The following LITAF variants were observed in gnomAD, a reference collection of about 807,000 sequenced individuals.
The protein encoded by LITAF is lipopolysaccharide-induced tumor necrosis factor-alpha factor.
LITAF carries 9 observed loss-of-function variants against 14.5 expected under a neutral mutation model. The observed-to-expected ratio is 0.62, with a 90% CI of 0.37 to 1.08. The LOEUF is 1.08. Among genes scored for constraint, LITAF ranks in the 50% least tolerant of loss-of-function variants. The pLI is 0.01. For missense variants in LITAF, 206 were observed against 213.4 expected, an observed-to-expected ratio of 0.97 and a Z score of 0.22; for synonymous variants, 98 against 88.2, an observed-to-expected ratio of 1.11 and a Z score of -0.62.
chr16:11,560,169 C>T (rs1286620657), intron 1 of LITAF, among the ~76,000 whole-genome samples: 3 of 150,916 alleles, frequency 2.0e-5, no homozygotes, highest in African/African-American at 4.9e-5. Context: ...TGATATTGGG[C>T]GCCTGTAATC....
chr16:11,587,289 C>A (rs1221683492), upstream of LITAF: 2 of 432,550 alleles, frequency 4.6e-6, no homozygotes, highest in East Asian at 7.1e-5. Context: ...TCCCCACTTT[C>A]CCCCCTCCCC....
At chr16:11,566,765 G>A (rs767542029) in intron 1 of LITAF, among the ~76,000 whole-genome samples, 3 of 151,348 alleles carry the variant, frequency 2.0e-5, no homozygotes, top group Non-Finnish European at 2.9e-5. Flanking sequence ...GTAGGGGGGC[G>A]CATGGACAGA....
rs1567233486 is a variant in LITAF at position 11,549,824 on chromosome 16, T to C, written c.378-79A>G. 1.8e-6 allele frequency: 2 copies of C among 1,106,366 alleles called. No individual in the cohort carries two copies. The highest frequency in any genetic ancestry group is 1.6e-5 in the African/African-American group (1 of 64,462). 68.5% of individuals were successfully genotyped at this position (1,106,366 alleles called of 1,614,324 possible). A position where few individuals can be genotyped will look rare whatever the true frequency, so the allele number is the denominator to read the frequency against. ...ACTGGCTGCCAAAACCATGTTCATG[T>C]CCTTCTTTGTAAAAAGGGTCTTTGC... On this transcript the variant is annotated intron_variant, in intron 3 of 3. Coordinates refer to ENST00000622633, the MANE Select transcript of LITAF (RefSeq NM_001136472.2). This position sits in a 1 kb window ranked among gnomAD's most constrained non-coding sequence, Gnocchi z 4.6.
chr16:11,610,963 AC>A (rs1391739244), intron 3 of LITAF, among the ~76,000 whole-genome samples: 2 of 151,952 alleles, frequency 1.3e-5, no homozygotes, highest in Non-Finnish European at 2.9e-5. Flanking sequence ...TCCCCCAGCT[AC>A]CGAAATCTAA....
At chr16:11,625,430 T>G (rs2065077902) in intron 3 of LITAF, among the ~76,000 whole-genome samples, 3 of 151,966 alleles carry the variant, frequency 2.0e-5, no homozygotes, top group Non-Finnish European at 4.4e-5. Context: ...GCCAGGCTCA[T>G]TTACGCATTT....
intron 3 of LITAF, chr16:11,551,741 C>A (rs1053595267): frequency 4.4e-6 from 3 of 682,824 alleles, no homozygotes; most frequent in African/African-American, 3.6e-5. Context: ...CTGAGCTGGG[C>A]GGATTGCAGG....
intron 1 of LITAF, among the ~76,000 whole-genome samples, chr16:11,563,259 G>T (rs994177337): frequency 2.6e-5 from 4 of 151,948 alleles, no homozygotes; most frequent in Non-Finnish European, 5.9e-5. Context: ...AGCAATTCTC[G>T]TGCCTCAGCC....
At chr16:11,639,274 TA>T (rs370375741), upstream of LITAF, among the ~76,000 whole-genome samples, 363 of 151,292 alleles carry the variant, frequency 2.4e-3, no homozygotes, top group Non-Finnish European at 3.9e-3. Context: ...GATGGATGGA[TA>T]AATGGATGGA....
chr16:11,613,616 G>GGGAA (rs1366781129), intron 3 of LITAF, among the ~76,000 whole-genome samples: 1 of 152,242 alleles, frequency 6.6e-6, no homozygotes, highest in Non-Finnish European at 1.5e-5. Flanking sequence ...AGGGCAGTCA[G>GGGAA]GGAAGGCTTC....
chr16:11,554,368 C>T (rs951718298), intron 2 of LITAF, among the ~76,000 whole-genome samples: 15 of 152,244 alleles, frequency 9.9e-5, no homozygotes, highest in South Asian at 2.1e-4. Context: ...AGCCAGGAAA[C>T]GCAGGCCAAC....
At chr16:11,598,791 C>G (rs1431345566), upstream of LITAF, among the ~76,000 whole-genome samples, 3 of 152,092 alleles carry the variant, frequency 2.0e-5, no homozygotes, top group African/African-American at 4.8e-5. Context: ...GATAAAGCAG[C>G]AGGCACCGTG....
In LITAF at chr16:11,553,432, CT is replaced by C. The variant is rs2064213073; in HGVS notation, c.377+100del. 1 of 1,277,720 alleles carries C rather than the reference CT, an allele frequency of 7.8e-7. No individual in the cohort carries two copies. Among genetic ancestry groups the C allele is most frequent in the African/African-American group, 1.5e-5 (1 of 68,190 alleles). 79.1% of individuals were successfully genotyped at this position (1,277,720 alleles called of 1,614,324 possible). A position where few individuals can be genotyped will look rare whatever the true frequency, so the allele number is the denominator to read the frequency against. The stretch of plus-strand genomic sequence containing the variant: ...TCTCAAAAAAAAACAACACAAATGT[CT>C]GGCCCTGAATGTCAAGCATGGTGCA... On this transcript the variant is annotated intron_variant, in intron 3 of 3. Coordinates refer to ENST00000622633, the MANE Select transcript of LITAF (RefSeq NM_001136472.2). The surrounding 1 kb of genome is among the most constrained non-coding windows in gnomAD (Gnocchi z 7.7).
intron 1 of LITAF, among the ~76,000 whole-genome samples, chr16:11,568,492 T>C (rs1429034186): frequency 6.6e-6 from 1 of 151,978 alleles, no homozygotes; most frequent in Non-Finnish European, 1.5e-5. Context: ...TCCCCAGAAA[T>C]GACACTGGCT....
intron 3 of LITAF, among the ~76,000 whole-genome samples, chr16:11,616,676 C>G (rs1347520275): frequency 2.0e-5 from 3 of 151,950 alleles, no homozygotes; most frequent in Non-Finnish European, 4.4e-5. Context: ...GAACACAAAT[C>G]CCTTACAGTC....
intron 1 of LITAF, among the ~76,000 whole-genome samples, chr16:11,584,898 A>G (rs2064785451): frequency 6.6e-6 from 1 of 152,196 alleles, no homozygotes; most frequent in Non-Finnish European, 1.5e-5. Context: ...TTACACTTCA[A>G]TCTACTATTT....
chr16:11,623,351 G>T (rs2141896658), intron 3 of LITAF, among the ~76,000 whole-genome samples: 1 of 152,018 alleles, frequency 6.6e-6, no homozygotes, highest in East Asian at 2.0e-4. Flanking sequence ...GAATCCAGGA[G>T]CACAAATGCC....
chr16:11,548,829 G>A lies in LITAF; in HGVS notation c.*808C>T. On this transcript the variant is annotated 3_prime_UTR_variant, in exon 4 of 4. Transcript: ENST00000622633. The stretch of plus-strand genomic sequence containing the variant: ...CATCTCTGTTTTTTTTTAAAAAAAA[G>A]AAATTCTGTTCAAAAGTATTTCAGA... 2.2e-6 allele frequency: 1 copy of A among 453,058 alleles called. No homozygotes were observed. Among genetic ancestry groups the A allele is most frequent in the Non-Finnish European group, 4.4e-6 (1 of 226,580 alleles). The allele number at this position is 453,058 out of a possible 1,614,324, so 28.1% of individuals were successfully genotyped here.
At chr16:11,615,890 C>G (rs528224484) in intron 3 of LITAF, among the ~76,000 whole-genome samples, 1 of 152,060 alleles carries the variant, frequency 6.6e-6, no homozygotes, top group Admixed American at 6.6e-5. Flanking sequence ...CTTTGGAATG[C>G]TTAGAGGGTT....
At chr16:11,606,923 G>A (rs1426157851) in intron 3 of LITAF, among the ~76,000 whole-genome samples, 1 of 152,204 alleles carries the variant, frequency 6.6e-6, no homozygotes, top group Non-Finnish European at 1.5e-5. Flanking sequence ...ACAAGCGTGA[G>A]CCACTGCGCC....
Sources: gnomAD v4.1 joint callset for allele counts (sites outside exome capture counted in the v4.1 genomes callset) on GRCh38, gnomAD v4.1.1 for gene constraint, Gnocchi (gnomAD v3.1) non-coding constraint, MANE v1.5 for transcripts, NCBI Gene and HGNC (gene_info 2026-07-23, HGNC 2026-07-21) for gene names.